Variants in LCTL observed in about 807,000 individuals in gnomAD.
LCTL encodes the protein lactase like, also known as lactase-like protein.
Under a neutral mutation model 75.8 loss-of-function variants are expected in LCTL, and 76 were observed. The observed-to-expected ratio is 1.00, with a 90% CI of 0.83 to 1.21. The LOEUF (loss-of-function observed/expected upper bound fraction) is 1.21. Ranked by LOEUF, LCTL falls within the 50% of genes most tolerant of loss-of-function variation. The probability of loss-of-function intolerance (pLI) is 0.00; values close to 1 mark genes in which losing one functional copy is unlikely to be tolerated. For synonymous variants in LCTL, 271 were observed against 268.8 expected (o/e 1.01, Z -0.08); for missense variants, 670 against 712.4 (o/e 0.94, Z 0.68).
At chr15:66,556,600 C>T (rs12437980) in intron 8 of LCTL, among the ~76,000 whole-genome samples, 55,597 of 151,980 alleles carry the variant, frequency 0.37, 10,528 homozygotes, top group East Asian at 0.54. Flanking sequence ...CCACCGTGCC[C>T]GGCTGACAAT....
intron 12 of LCTL, chr15:66,549,465 G>T (rs1240424797): frequency 3.3e-5 from 5 of 152,162 alleles, no homozygotes; most frequent in African/African-American, 1.2e-4. Context: ...GAGAAATAAA[G>T]ATAAAATTCA....
In LCTL at chr15:66,551,345, C is replaced by CAAAAA. The variant is rs67322943; in HGVS notation, c.1524+312_1524+316dup. 3.6e-4 allele frequency among the ~76,000 whole-genome samples: 18 copies of CAAAAA among 50,502 alleles called. 1 individual carries two copies. The highest frequency in any genetic ancestry group is 5.3e-4 in the Non-Finnish European group (15 of 28,204). 33.1% of individuals were successfully genotyped at this position (50,502 alleles called of 152,430 possible). ...CTGGCGACAGAGTGAGATTCTGTCT[C>CAAAAA]AAAAAAAAAAAAAAAAAAAAAAAAA... On this transcript the variant is annotated intron_variant, in intron 11 of 12. Transcript: ENST00000341509.
At chr15:66,563,854 A>G in intron 3 of LCTL, 57 bp downstream of exon 4, 1 of 1,392,642 alleles carries the variant, frequency 7.2e-7, no homozygotes, top group South Asian at 1.2e-5. Context: ...GCCCCTGCAA[A>G]GCCAACATTG....
intron 6 of LCTL, 42 bp from the exon 8 acceptor site, chr15:66,558,078 C>T: frequency 1.3e-6 from 2 of 1,527,866 alleles, no homozygotes; most frequent in Non-Finnish European, 1.8e-6. Context: ...CCTGGCCCAT[C>T]CATTTCCTCC....
chr15:66,556,652 A>G (rs1490219792), intron 8 of LCTL, among the ~76,000 whole-genome samples: 2 of 152,234 alleles, frequency 1.3e-5, no homozygotes, highest in Non-Finnish European at 2.9e-5. Context: ...ATTCTGACAT[A>G]TTACAAAATG....
chr15:66,553,042 C>T (rs1895649303), exon 9 of LCTL: 1 of 1,585,362 alleles, frequency 6.3e-7, no homozygotes, highest in Non-Finnish European at 8.6e-7. Flanking sequence ...CCATTTAGAC[C>T]CCAGATCTGG....
intron 8 of LCTL, among the ~76,000 whole-genome samples, chr15:66,557,387 C>G (rs1404376723): frequency 6.6e-6 from 1 of 152,052 alleles, no homozygotes; most frequent in East Asian, 1.9e-4. Flanking sequence ...TGACACAGGC[C>G]CATGACTGTG....
intron 1 of LCTL, among the ~76,000 whole-genome samples, 182 bp from the exon 3 acceptor site, chr15:66,565,021 A>G (rs764085943): frequency 6.6e-6 from 1 of 152,176 alleles, no homozygotes; most frequent in Non-Finnish European, 1.5e-5. Flanking sequence ...AGATATATTA[A>G]AAACATTTTT....
At chr15:66,565,351 C>G (rs1217647549) in exon 1 of LCTL, 1 of 1,611,052 alleles carries the variant, frequency 6.2e-7, no homozygotes, top group Non-Finnish European at 8.5e-7. Flanking sequence ...GGGTGGCGAC[C>G]CACACTGGCT....
At chr15:66,555,449 G>A (rs1483831003) in intron 8 of LCTL, among the ~76,000 whole-genome samples, 1 of 152,018 alleles carries the variant, frequency 6.6e-6, no homozygotes, top group Non-Finnish European at 1.5e-5. Flanking sequence ...GCTGAGGCAG[G>A]AGAATCACTT....
In LCTL at chr15:66,557,973, A is replaced by G; in HGVS notation, c.760+9T>C. 4.4e-6 allele frequency: 7 copies of G among 1,605,856 alleles called. No individual in the cohort carries two copies. Among genetic ancestry groups the G allele is most frequent in the Non-Finnish European group, 5.1e-6 (6 of 1,173,542 alleles). On this transcript the variant is annotated intron_variant, in intron 7 of 12. Coordinates refer to ENST00000341509, the Ensembl canonical transcript of LCTL. ...CTGTCCTGGGTACATGTGTGGGGCC[A>G]CAGCTCACCTTGCTGCTTGCTGCGC...
intron 9 of LCTL, among the ~76,000 whole-genome samples, chr15:66,552,517 A>C (rs1038185843): frequency 2.6e-5 from 4 of 152,142 alleles, no homozygotes; most frequent in Non-Finnish European, 5.9e-5. Flanking sequence ...CTAAAAATAC[A>C]AAAATTAGCC....
At chr15:66,553,537 CA>C (rs1186945837) in intron 8 of LCTL, among the ~76,000 whole-genome samples, 1 of 152,060 alleles carries the variant, frequency 6.6e-6, no homozygotes, top group African/African-American at 2.4e-5. Context: ...GGGCGGATCA[CA>C]AGGTCAGGAG....
At chr15:66,557,997 G>T in exon 7 of LCTL, 2 of 1,607,888 alleles carry the variant, frequency 1.2e-6, no homozygotes, top group Non-Finnish European at 1.7e-6. Flanking sequence ...TGCTTGCTGC[G>T]CCACGTGGTG....
chr15:66,554,062 G>A (rs1309389953), intron 8 of LCTL, among the ~76,000 whole-genome samples: 2 of 151,852 alleles, frequency 1.3e-5, no homozygotes. Flanking sequence ...GAGGCCGAGG[G>A]GGGCAGATCA....
intron 4 of LCTL, 128 bp from the exon 6 acceptor site, chr15:66,561,443 C>A: frequency 6.1e-6 from 6 of 988,162 alleles, no homozygotes; most frequent in Non-Finnish European, 7.7e-6. Context: ...ACTCTCATGC[C>A]TAGAAAGAAC....
At chr15:66,554,986 T>C (rs946854492) in intron 8 of LCTL, among the ~76,000 whole-genome samples, 2 of 152,178 alleles carry the variant, frequency 1.3e-5, no homozygotes, top group East Asian at 3.8e-4. Context: ...GTGTAATCTA[T>C]ACAAAAAAGA....
In LCTL at chr15:66,557,960, CAT is replaced by C. The variant is rs773507250; in HGVS notation, c.760+20_760+21del. ...TCCGGGCACTTGGCTGTCCTGGGTA[CAT>C]GTGTGGGGCCACAGCTCACCTTGCT... On this transcript the variant is annotated intron_variant, in intron 7 of 12. Coordinates refer to ENST00000341509, the Ensembl canonical transcript of LCTL. The C allele has an allele frequency of 6.2e-7, 1 of 1,607,000 alleles. No individual in the cohort carries two copies. The highest frequency in any genetic ancestry group is 8.5e-7 in the Non-Finnish European group (1 of 1,174,688).
At chr15:66,565,227 C>G in intron 1 of LCTL, 21 bp downstream of exon 2, 1 of 1,501,514 alleles carries the variant, frequency 6.7e-7, no homozygotes, top group Non-Finnish European at 9.3e-7. Context: ...GGCAGACAGA[C>G]GAACAGAGGC....
Sources: allele counts gnomAD v4.1 joint callset (sites outside exome capture counted in the v4.1 genomes callset), GRCh38; gene constraint gnomAD v4.1.1; transcripts MANE v1.5; gene names NCBI Gene and HGNC (gene_info 2026-07-23, HGNC 2026-07-21).